Variants in CYP2C19 observed in about 807,000 individuals in gnomAD.
CYP2C19 encodes the protein cytochrome P450 family 2 subfamily C member 19, also known as cytochrome P450 2C19.
CYP2C19 carries 59 observed loss-of-function variants against 40.9 expected under a neutral mutation model. The observed-to-expected ratio is 1.44, with a 90% CI of 1.17 to 1.79. CYP2C19 has a LOEUF of 1.79. Among genes scored for constraint, CYP2C19 ranks in the 40% most tolerant of loss-of-function variants. CYP2C19 has a pLI of 0.00. For missense variants in CYP2C19, 754 were observed against 596.9 expected (o/e 1.26, Z -2.74); for synonymous variants, 253 against 208.7 (o/e 1.21, Z -1.83).
rs554514910 is a variant in CYP2C19 at position 94,795,668 on chromosome 10, G to A, written c.819+13671G>A. ...CTCCATATCCTCTCCAGCACCTGTC[G>A]TTTCCTGACTTTTTAATGATCACTG... On this transcript the variant is annotated intron_variant, in intron 5 of 8. Transcript: ENST00000371321. Among the ~76,000 whole-genome samples, 15 of 152,164 alleles carry A rather than the reference G, an allele frequency of 9.9e-5. No homozygotes were observed. In the East Asian group the frequency reaches 1.5e-3, roughly 16 times the overall value.
chr10:94,824,375 C>A (rs1327214070), intron 6 of CYP2C19, among the ~76,000 whole-genome samples: 1 of 151,946 alleles, frequency 6.6e-6, no homozygotes, highest in East Asian at 1.9e-4. Flanking sequence ...GAAATAGAAA[C>A]AAGGTCTTTA....
rs147051034 is a variant in CYP2C19 at position 94,785,472 on chromosome 10, C to T, written c.819+3475C>T. On this transcript the variant is annotated intron_variant, in intron 5 of 8. Coordinates refer to ENST00000371321, the MANE Select transcript of CYP2C19 (RefSeq NM_000769.4). Reference sequence around the variant, plus strand: ...ACCCTTGATGAAAGTAAATTGGCCACAGATGTTTAGGTTTATTTCTTGATT... The same window carrying T: ...ACCCTTGATGAAAGTAAATTGGCCATAGATGTTTAGGTTTATTTCTTGATT... 3.1e-3 allele frequency among the ~76,000 whole-genome samples: 471 copies of T among 152,176 alleles called. 3 individuals are homozygous for T. The highest frequency in any genetic ancestry group is 0.011 in the African/African-American group (448 of 41,534).
intron 6 of CYP2C19, among the ~76,000 whole-genome samples, chr10:94,829,142 T>C (rs1291269483): frequency 3.3e-5 from 5 of 152,208 alleles, no homozygotes. Context: ...ATTATGTGTC[T>C]TGGAGTTGCT....
chr10:94,850,113 C>A, intron 8 of CYP2C19, 55 bp downstream of exon 8: 4 of 1,597,394 alleles, frequency 2.5e-6, no homozygotes, highest in Non-Finnish European at 3.4e-6. Flanking sequence ...CTTTTTTGAT[C>A]AGTTGGAACT....
At chr10:94,766,558 G>T (rs1019320212) in intron 1 of CYP2C19, among the ~76,000 whole-genome samples, 8 of 152,088 alleles carry the variant, frequency 5.3e-5, no homozygotes, top group African/African-American at 1.9e-4. Context: ...TAGTAAAAGG[G>T]TTCCATTAAA....
At chr10:94,824,533 T>C (rs769124530) in intron 6 of CYP2C19, among the ~76,000 whole-genome samples, 7 of 152,194 alleles carry the variant, frequency 4.6e-5, no homozygotes, top group Non-Finnish European at 8.8e-5. Flanking sequence ...GTTATATATA[T>C]GCGTAAATCT....
chr10:94,819,919 CG>C (rs1282565688), intron 5 of CYP2C19, among the ~76,000 whole-genome samples: 1 of 112,684 alleles, frequency 8.9e-6, no homozygotes, highest in African/African-American at 3.7e-5. Context: ...ATACCAAAGC[CG>C]GGCAGAGACA....
At chr10:94,806,190 T>C (rs1848833356) in intron 5 of CYP2C19, among the ~76,000 whole-genome samples, 3 of 152,288 alleles carry the variant, frequency 2.0e-5, no homozygotes, top group Non-Finnish European at 2.9e-5. Context: ...CTTTGCCTAA[T>C]GTTATGTTCT....
intron 4 of CYP2C19, 140 bp from the exon 5 acceptor site, chr10:94,781,681 G>A (rs1256790533): frequency 5.7e-6 from 2 of 353,770 alleles, no homozygotes; most frequent in Admixed American, 9.6e-5. Context: ...TACTACACAT[G>A]TACAATAAAA....
chr10:94,815,896 G>T (rs752482100), intron 5 of CYP2C19, among the ~76,000 whole-genome samples: 4 of 152,210 alleles, frequency 2.6e-5, no homozygotes, highest in Non-Finnish European at 4.4e-5. Context: ...GACAGAAGAA[G>T]ATAATTGCAG....
intron 3 of CYP2C19, among the ~76,000 whole-genome samples, chr10:94,779,507 A>G (rs554383814): frequency 3.5e-4 from 53 of 152,036 alleles, no homozygotes; most frequent in African/African-American, 1.2e-3. Context: ...TTAAAAAACT[A>G]AAGAAGAAAC....
At chr10:94,851,248 G>C (rs1296761588) in intron 8 of CYP2C19, among the ~76,000 whole-genome samples, 2 of 147,462 alleles carry the variant, frequency 1.4e-5, no homozygotes, top group Non-Finnish European at 3.1e-5. Context: ...GCAGGAGAGA[G>C]AGAGCAAAGA....
At chr10:94,816,552 A>C (rs1849005620) in intron 5 of CYP2C19, among the ~76,000 whole-genome samples, 1 of 152,034 alleles carries the variant, frequency 6.6e-6, no homozygotes, top group South Asian at 2.1e-4. Context: ...AATTTTTACA[A>C]AAACATAAGG....
chr10:94,818,356 T>A lies in CYP2C19; in HGVS notation c.820-2140T>A, dbSNP rs1192720015. 4.9e-3 allele frequency among the ~76,000 whole-genome samples: 747 copies of A among 151,768 alleles called. 1 individual carries two copies. Among genetic ancestry groups the A allele is most frequent in the African/African-American group, 8.7e-3 (357 of 41,240 alleles). ...CCAGCTTTGTTCTTTTGGCTTAGGA[T>A]TGACTTGATGATGCGGGCTCTTTTT... On this transcript the variant is annotated intron_variant, in intron 5 of 8. Transcript: ENST00000371321.
chr10:94,841,386 C>T (rs903191370), intron 6 of CYP2C19, among the ~76,000 whole-genome samples: 4 of 152,098 alleles, frequency 2.6e-5, no homozygotes, highest in African/African-American at 4.8e-5. Flanking sequence ...AGCGGGTTTG[C>T]GATGGTGGCA....
rs530805756 is a variant in CYP2C19, at chr10:94,810,536, G to A, written c.820-9960G>A. 3.1e-3 allele frequency among the ~76,000 whole-genome samples: 474 copies of A among 151,852 alleles called. 3 individuals carry two copies. Among genetic ancestry groups the A allele is most frequent in the African/African-American group, 0.011 (446 of 41,420 alleles). ...GTCCTGGGCTTTTTTTTGCTTGGTG[G>A]GCTATTCCTTGCTGCCTCAATTTCA... On this transcript the variant is annotated intron_variant, in intron 5 of 8. Transcript: ENST00000371321.
In CYP2C19 at chr10:94,770,321, G is replaced by A. The variant is rs535269639; in HGVS notation, c.169-4737G>A. 2.6e-3 allele frequency among the ~76,000 whole-genome samples: 389 copies of A among 152,252 alleles called. 2 individuals are homozygous for A. Among genetic ancestry groups the A allele is most frequent in the African/African-American group, 9.0e-3 (374 of 41,576 alleles). Reference sequence around the variant, plus strand: ...GCAGACATGGGTGAGGGGGTGGCTTGTTTCTCATTGGACAATCTTTTTTAA... The same window carrying A: ...GCAGACATGGGTGAGGGGGTGGCTTATTTCTCATTGGACAATCTTTTTTAA... On this transcript the variant is annotated intron_variant, in intron 1 of 8. Coordinates refer to ENST00000371321, the MANE Select transcript of CYP2C19 (RefSeq NM_000769.4).
At chr10:94,810,865 T>A (rs1327265692) in intron 5 of CYP2C19, among the ~76,000 whole-genome samples, 1 of 152,188 alleles carries the variant, frequency 6.6e-6, no homozygotes, top group Non-Finnish European at 1.5e-5. Context: ...TTGAAGGGAT[T>A]TTCCTGTCTC....
intron 5 of CYP2C19, among the ~76,000 whole-genome samples, chr10:94,813,691 G>A (rs1848960080): frequency 6.6e-6 from 1 of 151,302 alleles, no homozygotes; most frequent in Non-Finnish European, 1.5e-5. Context: ...GCAAACAGAA[G>A]TTCAAGCCAG....
Sources: gnomAD v4.1 joint callset for allele counts (sites outside exome capture counted in the v4.1 genomes callset) on GRCh38, gnomAD v4.1.1 for gene constraint, MANE v1.5 for transcripts, NCBI Gene and HGNC (gene_info 2026-07-23, HGNC 2026-07-21) for gene names.